Variants in DGKI observed in about 807,000 individuals in gnomAD.
DGKI encodes DAG kinase iota.
In DGKI, 55 loss-of-function variants were observed where a neutral mutation model predicts 147.5. That is an observed-to-expected ratio of 0.37 (90% confidence interval 0.30 to 0.47). DGKI has a LOEUF of 0.47. Ranked by LOEUF, DGKI falls within the 20% of genes least tolerant of loss-of-function variation. The pLI, the probability that DGKI is intolerant of heterozygous loss-of-function variation, is 1.00. For missense variants in DGKI, 1,007 were observed against 1,323.8 expected, an observed-to-expected ratio of 0.76 and a Z score of 3.71; for synonymous variants, 469 against 477.1, an observed-to-expected ratio of 0.98 and a Z score of 0.22.
chr7:137,723,626 T>C (rs1489699203), intron 1 of DGKI, among the ~76,000 whole-genome samples: 1 of 150,702 alleles, frequency 6.6e-6, no homozygotes, highest in Non-Finnish European at 1.5e-5. Context: ...AGTGAAATCA[T>C]GACAGCAGTG....
intron 14 of DGKI, among the ~76,000 whole-genome samples, chr7:137,582,442 A>C (rs962624981): frequency 1.3e-5 from 2 of 150,354 alleles, no homozygotes; most frequent in East Asian, 1.9e-4. Context: ...CTCTATATAT[A>C]TATATATATA....
intron 1 of DGKI, among the ~76,000 whole-genome samples, chr7:137,732,491 G>C (rs947250415): frequency 6.6e-6 from 1 of 151,986 alleles, no homozygotes; most frequent in African/African-American, 2.4e-5. Context: ...AGAACCTGCA[G>C]CCCTAACTGC....
At chr7:137,517,272 GAAAAGAAAAAGAAAGAAA>G (rs1816786692) in intron 21 of DGKI, among the ~76,000 whole-genome samples, 1 of 76,134 alleles carries the variant, frequency 1.3e-5, no homozygotes, top group Admixed American at 1.3e-4. Context: ...AAGAAAGAAA[GAAAAGAAAAAGAAAGAAA>G]GAAAGAAAGA....
intron 1 of DGKI, among the ~76,000 whole-genome samples, chr7:137,754,846 C>T (rs3800654): frequency 6.6e-6 from 1 of 151,962 alleles, no homozygotes; most frequent in Non-Finnish European, 1.5e-5. Context: ...TGACTCACAG[C>T]AGAGGGGTGG....
At chr7:137,526,740 A>G (rs1817159297) in intron 20 of DGKI, among the ~76,000 whole-genome samples, 3 of 152,120 alleles carry the variant, frequency 2.0e-5, no homozygotes, top group African/African-American at 2.4e-5. Context: ...GATGTTGCCA[A>G]TAGCTTCTTT....
At chr7:137,463,202 A>G (rs1195810523) in intron 27 of DGKI, among the ~76,000 whole-genome samples, 2 of 152,184 alleles carry the variant, frequency 1.3e-5, no homozygotes, top group Non-Finnish European at 2.9e-5. Flanking sequence ...TAAACACTAA[A>G]CTCCAGTAAA....
At chr7:137,629,225 A>G (rs1211444631) in intron 6 of DGKI, among the ~76,000 whole-genome samples, 2 of 133,210 alleles carry the variant, frequency 1.5e-5, no homozygotes, top group African/African-American at 5.7e-5. Flanking sequence ...ATGATTTTTG[A>G]AAAAAAAAAA....
At chr7:137,669,984 T>C (rs1822784513) in intron 3 of DGKI, among the ~76,000 whole-genome samples, 1 of 152,200 alleles carries the variant, frequency 6.6e-6, no homozygotes, top group Non-Finnish European at 1.5e-5. Context: ...GGGGAAATTA[T>C]GGGTTCCACA....
At chr7:137,523,304 G>A (rs1817028055) in intron 20 of DGKI, among the ~76,000 whole-genome samples, 2 of 151,922 alleles carry the variant, frequency 1.3e-5, no homozygotes. Flanking sequence ...GTTGTCTAAA[G>A]CCTCATTTTA....
intron 1 of DGKI, among the ~76,000 whole-genome samples, chr7:137,844,781 G>T (rs930244318): frequency 3.3e-5 from 5 of 152,124 alleles, no homozygotes. Context: ...CCTGACAAGA[G>T]GCAAGCTGAA....
chr7:137,763,686 G>A (rs895508987), intron 1 of DGKI, among the ~76,000 whole-genome samples: 5 of 152,226 alleles, frequency 3.3e-5, no homozygotes, highest in African/African-American at 1.2e-4. Flanking sequence ...ATTCTAAACA[G>A]TAATTCTATA....
intron 28 of DGKI, among the ~76,000 whole-genome samples, chr7:137,426,534 A>C (rs760167149): frequency 7.9e-5 from 12 of 152,222 alleles, no homozygotes; most frequent in Non-Finnish European, 1.0e-4. Flanking sequence ...GACAGGATCA[A>C]CTTCACACAT....
chr7:137,415,969 G>C (rs1731967), intron 28 of DGKI, among the ~76,000 whole-genome samples: 142,595 of 152,066 alleles, frequency 0.94, 67,519 homozygotes, highest in East Asian at 1. Context: ...CAGCCTGAGC[G>C]ACAGAGTGAG....
At chr7:137,423,865 T>A (rs1388885561) in intron 28 of DGKI, among the ~76,000 whole-genome samples, 1 of 152,176 alleles carries the variant, frequency 6.6e-6, no homozygotes, top group Non-Finnish European at 1.5e-5. Flanking sequence ...TTTGCATTAT[T>A]TATTTATCAA....
intron 6 of DGKI, among the ~76,000 whole-genome samples, chr7:137,643,950 C>T (rs913498355): frequency 6.6e-6 from 1 of 152,194 alleles, no homozygotes; most frequent in Non-Finnish European, 1.5e-5. Flanking sequence ...CTACTCTTTA[C>T]ATCTCTGACC....
At chr7:137,842,535 G>A (rs1352623116) in intron 1 of DGKI, among the ~76,000 whole-genome samples, 1 of 152,164 alleles carries the variant, frequency 6.6e-6, no homozygotes, top group Non-Finnish European at 1.5e-5. Flanking sequence ...GTAATGGTCT[G>A]CCCAGACATA....
rs1202086534 is a variant in DGKI at position 137,618,149 on chromosome 7, A to ATT, written c.993+1674_993+1675insAA. Among the ~76,000 whole-genome samples, 53 of 6,844 alleles carry ATT rather than the reference A, an allele frequency of 7.7e-3. 5 individuals carry two copies. The highest frequency in any genetic ancestry group is 0.014 in the Non-Finnish European group (28 of 2,074). 4.5% of individuals were successfully genotyped at this position (6,844 alleles called of 152,430 possible). A position where few individuals can be genotyped will look rare whatever the true frequency, so the allele number is the denominator to read the frequency against. ...ATACTATATATATATATATATATAT[A>ATT]TATTTTTTTTTTTTTACTCTATCAT... On this transcript the variant is annotated intron_variant, in intron 8 of 32. Coordinates refer to ENST00000614521, the MANE Select transcript of DGKI (RefSeq NM_001321708.2).
chr7:137,388,545 C>T lies in DGKI; in HGVS notation c.*2675G>A, dbSNP rs1811248814. 1 of 152,142 alleles carries T rather than the reference C, an allele frequency of 6.6e-6. No individual in the cohort carries two copies. Among genetic ancestry groups the T allele is most frequent in the Admixed American group, 6.6e-5 (1 of 15,260 alleles). 9.4% of individuals were successfully genotyped at this position (152,142 alleles called of 1,614,324 possible). ...CTTCAGACCAGGACTAGATCACTTGCTTTCCTGATGTCCTAATAGTAGGGA... is the reference window on the plus strand; with the variant it reads ...CTTCAGACCAGGACTAGATCACTTGTTTTCCTGATGTCCTAATAGTAGGGA... On this transcript the variant is annotated 3_prime_UTR_variant, in exon 33 of 33. Coordinates refer to ENST00000614521, the MANE Select transcript of DGKI (RefSeq NM_001321708.2).
At chr7:137,599,156 A>G (rs1398886310) in intron 11 of DGKI, among the ~76,000 whole-genome samples, 5 of 152,218 alleles carry the variant, frequency 3.3e-5, no homozygotes, top group African/African-American at 4.8e-5. Context: ...AGAACCAGAG[A>G]ACAGCAGAAG....
Sources: allele counts gnomAD v4.1 joint callset (sites outside exome capture counted in the v4.1 genomes callset), GRCh38; gene constraint gnomAD v4.1.1; transcripts MANE v1.5; gene names NCBI Gene and HGNC (gene_info 2026-07-23, HGNC 2026-07-21).